Variants in EIF3A observed in about 807,000 individuals in gnomAD.
EIF3A encodes EIF3, p180 subunit.
In EIF3A, 21 loss-of-function variants were observed where a neutral mutation model predicts 186.6. The ratio of observed to expected loss-of-function variants is 0.11; its 90% CI spans 0.08 to 0.16. The LOEUF (loss-of-function observed/expected upper bound fraction) is 0.16. Among genes scored for constraint, EIF3A ranks in the 10% least tolerant of loss-of-function variants. The pLI is 1.00. For missense variants in EIF3A, 1,306 were observed against 1,796.3 expected (o/e 0.73, Z 4.93); for synonymous variants, 563 against 584.3 (o/e 0.96, Z 0.52).
At chr10:119,044,524 G>T (rs1018280496) in intron 17 of EIF3A, among the ~76,000 whole-genome samples, 9 of 152,214 alleles carry the variant, frequency 5.9e-5, no homozygotes, top group Non-Finnish European at 7.3e-5. Context: ...TCTAATGGGG[G>T]TGGTTAAATT....
intron 17 of EIF3A, among the ~76,000 whole-genome samples, chr10:119,047,820 AAAT>A (rs1402361293): frequency 6.6e-6 from 1 of 152,194 alleles, no homozygotes; most frequent in Non-Finnish European, 1.5e-5. Context: ...GAAGACACAT[AAAT>A]AACTAGTATC....
At chr10:119,070,670 GATT>G (rs1354077096) in intron 5 of EIF3A, among the ~76,000 whole-genome samples, 3 of 152,188 alleles carry the variant, frequency 2.0e-5, no homozygotes, top group African/African-American at 7.2e-5. Flanking sequence ...GTCTGAAAGA[GATT>G]ATATGGTTTG....
intron 1 of EIF3A, among the ~76,000 whole-genome samples, chr10:119,078,940 T>C (rs941285552): frequency 1.3e-5 from 2 of 151,866 alleles, no homozygotes; most frequent in Non-Finnish European, 2.9e-5. Flanking sequence ...TTTGGCCTAC[T>C]AGCACGGGGA....
At chr10:119,074,723 TG>T (rs1462217483) in intron 1 of EIF3A, among the ~76,000 whole-genome samples, 2 of 151,398 alleles carry the variant, frequency 1.3e-5, no homozygotes, top group African/African-American at 4.8e-5. Flanking sequence ...CACTTGAGGT[TG>T]GGAGTTCAAG....
chr10:119,079,484 T>A (rs1223291239), intron 1 of EIF3A, among the ~76,000 whole-genome samples: 1 of 151,984 alleles, frequency 6.6e-6, no homozygotes, highest in East Asian at 1.9e-4. Context: ...GGTATATTCA[T>A]CTACAACATG....
chr10:119,076,068 A>G (rs1844167239), intron 1 of EIF3A, among the ~76,000 whole-genome samples: 1 of 149,614 alleles, frequency 6.7e-6, no homozygotes, highest in African/African-American at 2.5e-5. Flanking sequence ...GGCCGGGCGC[A>G]GTAGCTCACG....
chr10:119,036,353 T>A (rs1233867263), intron 21 of EIF3A, 85 bp from the exon 22 acceptor site: 1 of 805,440 alleles, frequency 1.2e-6, no homozygotes, highest in East Asian at 2.7e-5. Flanking sequence ...TACTAAAGAT[T>A]GTTAAATACA....
rs1331881970 is a variant in EIF3A, at chr10:119,073,430, A to G, written c.377+11T>C. 1.3e-6 allele frequency: 2 copies of G among 1,576,658 alleles called. No homozygotes were observed. Among genetic ancestry groups the G allele is most frequent in the Non-Finnish European group, 8.7e-7 (1 of 1,153,266 alleles). ...CTATCAAAGCATTTATTAGAGGTCT[A>G]ACCCACATACCTCTCAGGAGTTTGA... On this transcript the variant is annotated intron_variant, in intron 3 of 21. Coordinates refer to ENST00000369144, the MANE Select transcript of EIF3A (RefSeq NM_003750.4).
rs565907118 is a variant in EIF3A, at chr10:119,065,852, C to T, written c.951-282G>A. On this transcript the variant is annotated intron_variant, in intron 6 of 21. Transcript: ENST00000369144. ...TTGTGATTGACCAGGCGCGGTGGCT[C>T]ACGCCTGTAATCCCAGCACTTTGGG... is the stretch of plus-strand genomic sequence containing the variant. 2.4e-4 allele frequency among the ~76,000 whole-genome samples: 37 copies of T among 152,338 alleles called. No homozygotes were observed. In the East Asian group the frequency reaches 6.7e-3, roughly 28 times the overall value.
chr10:119,051,881 A>C (rs1405033253), intron 14 of EIF3A, among the ~76,000 whole-genome samples: 1 of 152,220 alleles, frequency 6.6e-6, no homozygotes, highest in Non-Finnish European at 1.5e-5. Flanking sequence ...AAAACAAAAC[A>C]AAAAATACTT....
rs1450147245 is a variant in EIF3A at position 119,069,585 on chromosome 10, A to G, written c.811T>C (p.Leu271=). 1.2e-6 allele frequency: 2 copies of G among 1,600,338 alleles called. No homozygotes were observed. The highest frequency in any genetic ancestry group is 8.6e-7 in the Non-Finnish European group (1 of 1,167,488). Residue 271 remains leucine, a synonymous_variant, in exon 6 of 22, where the codon TTG becomes CTG. Transcript: ENST00000369144. The part of the protein sequence containing the change: ...SLSKKPPKPQ[L]MANYYNKVST... Reference sequence around the variant, plus strand: ...ACTTTGTTATAGTAATTTGCCATCAACTGAGGTTTAGGTGGTTTTTTAGAC... The same window carrying G: ...ACTTTGTTATAGTAATTTGCCATCAGCTGAGGTTTAGGTGGTTTTTTAGAC...
At chr10:119,077,526 A>G (rs1191948219) in intron 1 of EIF3A, among the ~76,000 whole-genome samples, 1 of 151,628 alleles carries the variant, frequency 6.6e-6, no homozygotes, top group East Asian at 1.9e-4. Context: ...CCTTTGTCCT[A>G]ATTTATATAC....
intron 17 of EIF3A, among the ~76,000 whole-genome samples, chr10:119,044,969 G>A (rs1483891772): frequency 7.0e-6 from 1 of 143,304 alleles, no homozygotes; most frequent in African/African-American, 2.7e-5. Context: ...TTTTGAGGTG[G>A]AATCTCACTC....
rs1301591904 is a variant in EIF3A, at chr10:119,041,165, A to G, written c.3526+829T>C. ...TGCACTCCAGCCTGGGAGACAGAGC[A>G]AGACTCCACCTCAAAAAGAAAAAAA... On this transcript the variant is annotated intron_variant, in intron 19 of 21. Coordinates refer to ENST00000369144, the MANE Select transcript of EIF3A (RefSeq NM_003750.4). 2.0e-5 allele frequency among the ~76,000 whole-genome samples: 3 copies of G among 152,034 alleles called. 1 individual carries two copies. Among genetic ancestry groups the G allele is most frequent in the Admixed American group, 6.5e-5 (1 of 15,274 alleles).
intron 6 of EIF3A, among the ~76,000 whole-genome samples, chr10:119,068,308 T>G (rs1844012531): frequency 6.6e-6 from 1 of 152,232 alleles, no homozygotes; most frequent in Non-Finnish European, 1.5e-5. Flanking sequence ...TTCATATGTA[T>G]TTATATGAGA....
intron 17 of EIF3A, among the ~76,000 whole-genome samples, chr10:119,046,664 A>G (rs1848286519): frequency 6.6e-6 from 1 of 152,240 alleles, no homozygotes; most frequent in South Asian, 2.1e-4. Flanking sequence ...AAACTTAGGA[A>G]AAAATTAATG....
In EIF3A at chr10:119,080,815, A is replaced by C; in HGVS notation, c.-139T>G. On this transcript the variant is annotated 5_prime_UTR_variant, in exon 1 of 22. Transcript: ENST00000369144. ...CGCGCCCAGCCGGCCAGAGACGGAAAGGAAGGAGCCACGTGACCTCCCCGC... is the reference window on the plus strand; with the variant it reads ...CGCGCCCAGCCGGCCAGAGACGGAACGGAAGGAGCCACGTGACCTCCCCGC... 7.1e-7 allele frequency: 1 copy of C among 1,417,454 alleles called. No homozygotes were observed. Among genetic ancestry groups the C allele is most frequent in the Non-Finnish European group, 9.2e-7 (1 of 1,085,248 alleles). The allele number at this position is 1,417,454 out of a possible 1,614,324, so 87.8% of individuals were successfully genotyped here.
At chr10:119,068,174 A>G (rs1203126138) in intron 6 of EIF3A, among the ~76,000 whole-genome samples, 1 of 152,184 alleles carries the variant, frequency 6.6e-6, no homozygotes, top group African/African-American at 2.4e-5. Flanking sequence ...AAATAATAAA[A>G]TGGAAGACTA....
chr10:119,054,812 C>T (rs923825979), intron 14 of EIF3A, among the ~76,000 whole-genome samples: 5 of 152,124 alleles, frequency 3.3e-5, no homozygotes, highest in Non-Finnish European at 7.3e-5. Context: ...CCTCACTAAG[C>T]TTAATCATTT....
Sources: gnomAD v4.1 joint callset for allele counts (sites outside exome capture counted in the v4.1 genomes callset) on GRCh38, gnomAD v4.1.1 for gene constraint, MANE v1.5 for transcripts, NCBI Gene and HGNC (gene_info 2026-07-23, HGNC 2026-07-21) for gene names.